ALG12: variants seen among roughly 807,000 people sequenced by gnomAD.
ALG12 encodes the protein ALG12 alpha-1,6-mannosyltransferase.
ALG12 carries 36 observed loss-of-function variants against 46.0 expected under a neutral mutation model. That is an observed-to-expected ratio of 0.78 (90% CI 0.60 to 1.03). The LOEUF is 1.03. Among genes scored for constraint, ALG12 ranks in the 50% least tolerant of loss-of-function variants. ALG12 has a pLI of 0.00. For missense variants in ALG12, 599 were observed against 633.5 expected (o/e 0.95, Z 0.58); for synonymous variants, 326 against 291.6 (o/e 1.12, Z -1.20).
the ALG12 span, among the ~76,000 whole-genome samples, chr22:49,865,507 T>A: frequency 6.6e-6 from 1 of 150,394 alleles, no homozygotes; most frequent in Admixed American, 6.6e-5. Context: ...AAAAAAAAAA[T>A]AATAACCCGT....
intron 7 of ALG12, among the ~76,000 whole-genome samples, chr22:49,904,828 C>A (rs2060534366): frequency 6.6e-6 from 1 of 152,140 alleles, no homozygotes; most frequent in Non-Finnish European, 1.5e-5. Context: ...CAACCTCCGC[C>A]TCCTGGGTTC....
the ALG12 span, chr22:49,884,209 C>T: frequency 1.2e-6 from 2 of 1,604,918 alleles, no homozygotes; most frequent in East Asian, 4.5e-5. Context: ...GTCCTCGTTC[C>T]CCTCTCCCTC....
chr22:49,872,270 T>C, the ALG12 span, among the ~76,000 whole-genome samples: 1 of 152,228 alleles, frequency 6.6e-6, no homozygotes, highest in Non-Finnish European at 1.5e-5. Context: ...AGATTCCATC[T>C]CAACAAACTA....
the ALG12 span, among the ~76,000 whole-genome samples, chr22:49,895,196 T>G: frequency 6.6e-6 from 1 of 152,236 alleles, no homozygotes; most frequent in African/African-American, 2.4e-5. Context: ...AAATTCTCAT[T>G]GGAGCTTCTG....
At chr22:49,883,445 G>C in the ALG12 span, 4 of 536,556 alleles carry the variant, frequency 7.5e-6, no homozygotes, top group Non-Finnish European at 1.2e-5. Flanking sequence ...TGAGTGTTTA[G>C]TAGCAGGACT....
chr22:49,878,910 C>T, the ALG12 span, among the ~76,000 whole-genome samples: 2,885 of 151,678 alleles, frequency 0.019, 51 homozygotes, highest in Non-Finnish European at 0.03. Flanking sequence ...TTTGGGAGGC[C>T]GAGGCGGGCA....
At chr22:49,884,954 A>G in the ALG12 span, 2 of 1,611,632 alleles carry the variant, frequency 1.2e-6, no homozygotes, top group Non-Finnish European at 1.7e-6. Flanking sequence ...CCTGAGAAGC[A>G]GCAGGCTGAT....
the ALG12 span, among the ~76,000 whole-genome samples, chr22:49,860,791 T>A: frequency 6.6e-6 from 1 of 151,632 alleles, no homozygotes; most frequent in Admixed American, 6.6e-5. Context: ...TTTTTTTTTT[T>A]TTTTTGAGAC....
chr22:49,883,691 A>C, the ALG12 span: 1 of 1,595,444 alleles, frequency 6.3e-7, no homozygotes, highest in Non-Finnish European at 8.6e-7. Flanking sequence ...ACTTGTCCCA[A>C]AGAGGACGGT....
In ALG12 at chr22:49,905,911, C is replaced by T. The variant is rs778024292; in HGVS notation, c.993-1405G>A. Among the ~76,000 whole-genome samples, 43 of 152,152 alleles carry T rather than the reference C, an allele frequency of 2.8e-4. No homozygotes were observed. The highest frequency in any genetic ancestry group is 5.4e-4 in the Non-Finnish European group (37 of 68,028). On this transcript the variant is annotated intron_variant, in intron 7 of 9. Transcript: ENST00000330817. This position sits in a 1 kb window ranked among gnomAD's most constrained non-coding sequence, Gnocchi z 4.9. ...TGCCAGGGCGTTCGTCCTTTGTTCC[C>T]GCCCAAACCTGGAGTGGGCAGTCAC... is the stretch of plus-strand genomic sequence containing the variant.
chr22:49,870,101 T>A, the ALG12 span, among the ~76,000 whole-genome samples: 8 of 152,228 alleles, frequency 5.3e-5, no homozygotes, highest in Non-Finnish European at 8.8e-5. Context: ...CCTGTGTTTG[T>A]TCACTTAGGA....
Position 49,913,642 on chromosome 22 carries a change from T to C in ALG12, c.124A>G (p.Thr42Ala). Residue 42 changes from threonine (T) to alanine (A), a missense_variant, in exon 2 of 10, where the codon ACA becomes GCA. Thr to Ala is a moderately conservative substitution (Grantham distance 58). Coordinates refer to ENST00000330817, the MANE Select transcript of ALG12 (RefSeq NM_024105.4). ...TGCCAGTGGTAGAGCAGGTCATGTG[T>C]GGCCTGCAGGTTGAAGCTCTCCTCC... ...KVEESFNLQA[T>A]HDLLYHWQDL... is the part of the protein sequence containing the mutation. The C allele has an allele frequency of 1.9e-6, 3 of 1,614,126 alleles. No individual in the cohort carries two copies. The highest frequency in any genetic ancestry group is 2.5e-6 in the Non-Finnish European group (3 of 1,180,032).
intron 3 of ALG12, 40 bp downstream of exon 3, chr22:49,913,345 A>G (rs2060590449): frequency 6.2e-7 from 1 of 1,612,406 alleles, no homozygotes; most frequent in South Asian, 1.1e-5. Flanking sequence ...ATGACACCAC[A>G]GTCCCTCACT....
the ALG12 span, chr22:49,885,813 G>T: frequency 6.3e-7 from 1 of 1,589,604 alleles, no homozygotes; most frequent in South Asian, 1.1e-5. Context: ...AGATAATTAT[G>T]TCCCACCTTA....
the ALG12 span, among the ~76,000 whole-genome samples, chr22:49,878,333 G>A: frequency 6.8e-6 from 1 of 146,608 alleles, no homozygotes; most frequent in East Asian, 2.0e-4. Flanking sequence ...TTCATACAGA[G>A]ATAGGCTTTC....
At chr22:49,911,963 G>A (rs1343449025) in intron 3 of ALG12, among the ~76,000 whole-genome samples, 1 of 152,152 alleles carries the variant, frequency 6.6e-6, no homozygotes, top group Admixed American at 6.6e-5. Context: ...GGGTAGCCTC[G>A]GCCTCACGAT....
rs568473076 is a variant in ALG12, at chr22:49,903,475, C to T, written c.*363G>A. ...CAAAATACAGCTCCCCCTGGGTGGGCAGGACACACGTGGCCTCCTGGCAGA... is the reference window on the plus strand; with the variant it reads ...CAAAATACAGCTCCCCCTGGGTGGGTAGGACACACGTGGCCTCCTGGCAGA... On this transcript the variant is annotated 3_prime_UTR_variant, in exon 10 of 10. Coordinates refer to ENST00000330817, the MANE Select transcript of ALG12 (RefSeq NM_024105.4). 614 of 483,854 alleles carry T rather than the reference C, an allele frequency of 1.3e-3. No individual in the cohort carries two copies. Among genetic ancestry groups the T allele is most frequent in the Non-Finnish European group, 1.9e-3 (478 of 245,370 alleles). The allele number at this position is 483,854 out of a possible 1,614,324, so 30.0% of individuals were successfully genotyped here. A position where few individuals can be genotyped will look rare whatever the true frequency, so the allele number is the denominator to read the frequency against.
At chr22:49,909,457 G>A (rs1432694045) in intron 5 of ALG12, 110 bp from the exon 6 acceptor site, 18 of 1,168,864 alleles carry the variant, frequency 1.5e-5, no homozygotes, top group Non-Finnish European at 2.0e-5. Context: ...TCATATAAAA[G>A]AGGTTGGGCA....
At chr22:49,871,043 C>A in the ALG12 span, among the ~76,000 whole-genome samples, 1 of 151,206 alleles carries the variant, frequency 6.6e-6, no homozygotes, top group South Asian at 2.1e-4. Context: ...AGGGTTCAAG[C>A]AATTCTCATG....
Sources: gnomAD v4.1 joint callset for allele counts (sites outside exome capture counted in the v4.1 genomes callset) on GRCh38, gnomAD v4.1.1 for gene constraint, Gnocchi (gnomAD v3.1) non-coding constraint, MANE v1.5 for transcripts, NCBI Gene and HGNC (gene_info 2026-07-23, HGNC 2026-07-21) for gene names.